The following ZNF804B variants were observed in gnomAD, a reference collection of about 807,000 sequenced individuals.
ZNF804B encodes the protein zinc finger protein 804B, also known as zinc finger 804B.
In ZNF804B, 80 loss-of-function variants were observed where a neutral mutation model predicts 101.4. The observed-to-expected ratio is 0.79, with a 90% CI of 0.66 to 0.95. The LOEUF is 0.95. Among genes scored for constraint, ZNF804B ranks in the 40% least tolerant of loss-of-function variants. ZNF804B has a pLI of 0.00. For synonymous variants in ZNF804B, 622 were observed against 558.8 expected (o/e 1.11, Z -1.59); for missense variants, 1,673 against 1,561.9 (o/e 1.07, Z -1.20).
At chr7:89,030,025 G>T (rs1211029892) in intron 1 of ZNF804B, among the ~76,000 whole-genome samples, 1 of 152,146 alleles carries the variant, frequency 6.6e-6, no homozygotes, top group African/African-American at 2.4e-5. Context: ...GCAAGCATTA[G>T]TCATGACTGT....
chr7:88,951,260 A>G lies in ZNF804B; in HGVS notation c.108+191176A>G, dbSNP rs374194631. ...ATGCTTTCTCTGTCTCCTTAAAAAC[A>G]TTTCCAAATAAAAAATTAAAGAAAA... On this transcript the variant is annotated intron_variant, in intron 1 of 3. Coordinates refer to ENST00000333190, the MANE Select transcript of ZNF804B (RefSeq NM_181646.5). Among the ~76,000 whole-genome samples, 22 of 152,000 alleles carry G rather than the reference A, an allele frequency of 1.4e-4. No homozygotes were observed. In the South Asian group the frequency reaches 4.6e-3, roughly 31 times the overall value.
intron 2 of ZNF804B, among the ~76,000 whole-genome samples, chr7:89,275,134 T>G (rs897411388): frequency 1.3e-5 from 2 of 152,010 alleles, no homozygotes; most frequent in Admixed American, 1.3e-4. Flanking sequence ...AAACCTGTTT[T>G]TCTTCAAGTC....
In ZNF804B at chr7:89,140,093, T is replaced by C. The variant is rs990561085; in HGVS notation, c.109-78062T>C. ...TCAAATGGCATTAATCTTGTAGAGATCCACCAGAGAAACAGGATGACCAAA... is the reference window on the plus strand; with the variant it reads ...TCAAATGGCATTAATCTTGTAGAGACCCACCAGAGAAACAGGATGACCAAA... On this transcript the variant is annotated intron_variant, in intron 1 of 3. Transcript: ENST00000333190. Among the ~76,000 whole-genome samples the C allele has an allele frequency of 7.2e-5, 11 of 152,016 alleles. 1 individual carries two copies. In the East Asian group the frequency reaches 2.1e-3, roughly 29 times the overall value.
intron 1 of ZNF804B, among the ~76,000 whole-genome samples, chr7:88,878,260 A>T (rs1438102573): frequency 2.0e-5 from 3 of 152,130 alleles, no homozygotes; most frequent in African/African-American, 7.2e-5. Context: ...TTCAACTCAG[A>T]TTTAAAACCA....
chr7:89,171,998 CTTG>C (rs556771713), intron 1 of ZNF804B, among the ~76,000 whole-genome samples: 38 of 146,088 alleles, frequency 2.6e-4, no homozygotes, highest in Non-Finnish European at 4.0e-4. Context: ...CAGAAATTGA[CTTG>C]TTGTATAATT....
intron 1 of ZNF804B, among the ~76,000 whole-genome samples, chr7:88,874,852 A>G (rs1791901253): frequency 6.7e-6 from 1 of 150,342 alleles, no homozygotes; most frequent in East Asian, 1.9e-4. Flanking sequence ...TCAACAGAAT[A>G]TACATTTTTT....
intron 1 of ZNF804B, among the ~76,000 whole-genome samples, chr7:89,149,816 T>C (rs966353502): frequency 3.3e-5 from 5 of 151,630 alleles, no homozygotes; most frequent in African/African-American, 1.2e-4. Flanking sequence ...ATTCCTAAAA[T>C]TACATGAAGT....
intron 1 of ZNF804B, among the ~76,000 whole-genome samples, chr7:88,924,160 A>G (rs1203020456): frequency 6.6e-6 from 1 of 152,112 alleles, no homozygotes; most frequent in African/African-American, 2.4e-5. Context: ...AGTAATTTAC[A>G]TCCCCACCAG....
intron 1 of ZNF804B, among the ~76,000 whole-genome samples, chr7:88,817,982 A>G (rs888663777): frequency 3.9e-5 from 6 of 152,086 alleles, no homozygotes; most frequent in Admixed American, 2.6e-4. Context: ...TGGACAGATA[A>G]TTTTGTGAGA....
chr7:88,970,344 G>GC (rs3034350), intron 1 of ZNF804B, among the ~76,000 whole-genome samples: 3,403 of 143,664 alleles, frequency 0.024, 52 homozygotes, highest in Non-Finnish European at 0.038. Flanking sequence ...TTATTCTGAT[G>GC]CCCCCCCCCC....
intron 1 of ZNF804B, among the ~76,000 whole-genome samples, chr7:88,830,491 CCTT>C (rs915556556): frequency 6.6e-6 from 1 of 151,850 alleles, no homozygotes; most frequent in Admixed American, 6.6e-5. Context: ...ATTTTTATAA[CCTT>C]CTTTTTATAC....
At chr7:89,232,070 T>C (rs1413130940) in intron 2 of ZNF804B, among the ~76,000 whole-genome samples, 1 of 152,102 alleles carries the variant, frequency 6.6e-6, no homozygotes, top group Non-Finnish European at 1.5e-5. Flanking sequence ...AAACCCTTTA[T>C]GAGAATGAAA....
chr7:88,878,855 T>C (rs988058350), intron 1 of ZNF804B, among the ~76,000 whole-genome samples: 4 of 152,182 alleles, frequency 2.6e-5, no homozygotes, highest in Non-Finnish European at 5.9e-5. Flanking sequence ...ATTAATTTGT[T>C]GTCTACACCA....
chr7:89,068,734 A>G (rs1789492350), intron 1 of ZNF804B, among the ~76,000 whole-genome samples: 1 of 152,222 alleles, frequency 6.6e-6, no homozygotes, highest in Non-Finnish European at 1.5e-5. Context: ...AGACTCTGTT[A>G]AGCAGTATAT....
intron 1 of ZNF804B, among the ~76,000 whole-genome samples, chr7:88,980,771 G>T (rs1253173458): frequency 6.6e-6 from 1 of 152,042 alleles, no homozygotes; most frequent in African/African-American, 2.4e-5. Flanking sequence ...CCTGAAGACA[G>T]TTCAGCACTG....
chr7:88,877,591 G>T (rs563425477), intron 1 of ZNF804B, among the ~76,000 whole-genome samples: 1 of 152,094 alleles, frequency 6.6e-6, no homozygotes, highest in South Asian at 2.1e-4. Flanking sequence ...ATTAATTAAG[G>T]TGTGATTGTG....
intron 1 of ZNF804B, among the ~76,000 whole-genome samples, chr7:89,081,283 G>C (rs1433424564): frequency 1.3e-5 from 2 of 151,798 alleles, no homozygotes; most frequent in African/African-American, 4.8e-5. Context: ...TAGATATTAG[G>C]CAGGGTAAGT....
At chr7:88,986,554 C>A (rs1481853549) in intron 1 of ZNF804B, among the ~76,000 whole-genome samples, 1 of 152,112 alleles carries the variant, frequency 6.6e-6, no homozygotes, top group African/African-American at 2.4e-5. Flanking sequence ...TCCTAGTGCA[C>A]TGAGAAATGT....
intron 1 of ZNF804B, among the ~76,000 whole-genome samples, chr7:89,112,302 T>C (rs1011673387): frequency 2.6e-5 from 4 of 152,176 alleles, no homozygotes; most frequent in Admixed American, 1.3e-4. Flanking sequence ...GTGAAAGGCA[T>C]AAAGGTCAGT....
Sources: allele counts gnomAD v4.1 joint callset (sites outside exome capture counted in the v4.1 genomes callset), GRCh38; gene constraint gnomAD v4.1.1; transcripts MANE v1.5; gene names NCBI Gene and HGNC (gene_info 2026-07-23, HGNC 2026-07-21).